NRXN1: variants seen among roughly 807,000 people sequenced by gnomAD.
NRXN1 encodes the protein neurexin-1.
NRXN1 carries 39 observed loss-of-function variants against 150.9 expected under a neutral mutation model. That is an observed-to-expected ratio of 0.26 (90% confidence interval 0.20 to 0.34). NRXN1 has a LOEUF of 0.34. NRXN1 is among the 10% of genes least tolerant of loss of function. NRXN1 has a pLI of 1.00. For missense variants in NRXN1, 1,815 were observed against 1,949.9 expected, an observed-to-expected ratio of 0.93 and a Z score of 1.30; for synonymous variants, 924 against 757.0, an observed-to-expected ratio of 1.22 and a Z score of -3.62.
chr2:50,894,303 A>G (rs1009346934), intron 5 of NRXN1, among the ~76,000 whole-genome samples: 1 of 150,346 alleles, frequency 6.7e-6, no homozygotes, highest in African/African-American at 2.4e-5. Context: ...AATAAATGTG[A>G]CATGTCTAAA....
intron 21 of NRXN1, among the ~76,000 whole-genome samples, chr2:49,993,858 A>G (rs1363032): frequency 0.47 from 70,949 of 151,964 alleles, 17,232 homozygotes; most frequent in Middle Eastern, 0.6. Flanking sequence ...CCTTTACCTC[A>G]TTAACTTATT....
intron 17 of NRXN1, among the ~76,000 whole-genome samples, chr2:50,303,234 A>C (rs1302215044): frequency 6.6e-6 from 1 of 152,140 alleles, no homozygotes; most frequent in Non-Finnish European, 1.5e-5. Flanking sequence ...CTTTAGGTTC[A>C]CTCCACACTT....
chr2:50,278,240 TA>T (rs1373710106), intron 17 of NRXN1, among the ~76,000 whole-genome samples: 2 of 126,348 alleles, frequency 1.6e-5, no homozygotes, highest in Non-Finnish European at 3.2e-5. Flanking sequence ...TATATATATA[TA>T]ATATATATAT....
chr2:50,347,587 A>G lies in NRXN1; in HGVS notation c.3365-110617T>C. ...GCGCGCATCGCCTGCTCCCGAGGCA[A>G]TCTCCGCGTCCGCCGCCTCCTGACA... On this transcript the variant is annotated intron_variant, in intron 17 of 22. Coordinates refer to ENST00000401669, the MANE Select transcript of NRXN1 (RefSeq NM_001330078.2). The surrounding 1 kb of genome is among the most constrained non-coding windows in gnomAD (Gnocchi z 4.9). The G allele has an allele frequency of 3.9e-6, 4 of 1,013,894 alleles. No individual in the cohort carries two copies. The highest frequency in any genetic ancestry group is 4.7e-6 in the Non-Finnish European group (4 of 847,066). 62.8% of individuals were successfully genotyped at this position (1,013,894 alleles called of 1,614,324 possible).
At chr2:50,381,353 C>A (rs914232296) in intron 17 of NRXN1, among the ~76,000 whole-genome samples, 18 of 151,728 alleles carry the variant, frequency 1.2e-4, no homozygotes, top group Admixed American at 1.2e-3. Flanking sequence ...GAATGGGTGG[C>A]AGAAGAGGGA....
At chr2:51,000,903 T>C (rs2105085710) in intron 2 of NRXN1, among the ~76,000 whole-genome samples, 1 of 152,000 alleles carries the variant, frequency 6.6e-6, no homozygotes, top group African/African-American at 2.4e-5. Context: ...TCCTCCACTT[T>C]TCTGTTTCCA....
chr2:50,804,169 A>T (rs944088107), intron 5 of NRXN1, among the ~76,000 whole-genome samples: 16 of 152,200 alleles, frequency 1.1e-4, no homozygotes, highest in African/African-American at 3.9e-4. Flanking sequence ...TACCAATTAT[A>T]AAAAGATGAA....
rs147002379 is a variant in NRXN1 at position 50,421,705 on chromosome 2, C to T, written c.3364+43737G>A. ...GCACTAGTAGATTTGGACTCCTAAA[C>T]AGAGCAATTCAATGTATTTTGTAGC... On this transcript the variant is annotated intron_variant, in intron 17 of 22. Transcript: ENST00000401669. Among the ~76,000 whole-genome samples, 851 of 152,214 alleles carry T rather than the reference C, an allele frequency of 5.6e-3. 5 individuals carry two copies. Among genetic ancestry groups the T allele is most frequent in the Middle Eastern group, 0.024 (7 of 294 alleles).
At chr2:49,997,825 C>G (rs1443908749) in intron 21 of NRXN1, among the ~76,000 whole-genome samples, 2 of 152,074 alleles carry the variant, frequency 1.3e-5, no homozygotes. Flanking sequence ...CACTCTCTGC[C>G]TGGGAATCTG....
At chr2:50,583,408 G>A (rs899361604) in intron 8 of NRXN1, among the ~76,000 whole-genome samples, 1 of 152,068 alleles carries the variant, frequency 6.6e-6, no homozygotes, top group African/African-American at 2.4e-5. Flanking sequence ...GCTAAAAACC[G>A]TTCCCTAAAA....
intron 18 of NRXN1, among the ~76,000 whole-genome samples, chr2:50,196,914 G>T (rs1189373965): frequency 6.6e-6 from 1 of 152,112 alleles, no homozygotes; most frequent in Admixed American, 6.6e-5. Flanking sequence ...TTTGAGGGTG[G>T]AGGGTGGGAG....
At chr2:50,000,379 A>T (rs539219410) in intron 21 of NRXN1, among the ~76,000 whole-genome samples, 1 of 152,332 alleles carries the variant, frequency 6.6e-6, no homozygotes, top group East Asian at 1.9e-4. Flanking sequence ...ATATGTAAAT[A>T]AAATTGTCAA....
At chr2:50,310,718 A>T (rs1269202140) in intron 17 of NRXN1, among the ~76,000 whole-genome samples, 5 of 152,164 alleles carry the variant, frequency 3.3e-5, no homozygotes, top group Non-Finnish European at 7.4e-5. Flanking sequence ...CCCATTTCTT[A>T]AAATATGTCT....
intron 5 of NRXN1, among the ~76,000 whole-genome samples, chr2:50,855,743 G>C (rs1428521801): frequency 6.6e-6 from 1 of 151,972 alleles, no homozygotes; most frequent in Non-Finnish European, 1.5e-5. Flanking sequence ...AAAGAGGAAA[G>C]GACAAACATT....
chr2:50,961,427 G>C (rs547340749), intron 2 of NRXN1, among the ~76,000 whole-genome samples: 7 of 151,750 alleles, frequency 4.6e-5, no homozygotes, highest in East Asian at 3.9e-4. Context: ...TCCATCATTT[G>C]TTTTAAATAA....
chr2:50,799,204 G>A (rs1488348678), intron 5 of NRXN1, among the ~76,000 whole-genome samples: 1 of 152,126 alleles, frequency 6.6e-6, no homozygotes, highest in Non-Finnish European at 1.5e-5. Flanking sequence ...GAATTCATCG[G>A]TCAATGGATG....
chr2:50,441,826 C>T (rs568497273), intron 17 of NRXN1, among the ~76,000 whole-genome samples: 2 of 152,284 alleles, frequency 1.3e-5, no homozygotes, highest in South Asian at 2.1e-4. Flanking sequence ...AAATGGTCAT[C>T]CATCAGCATC....
At chr2:50,333,341 T>C (rs1214928187) in intron 17 of NRXN1, among the ~76,000 whole-genome samples, 1 of 152,202 alleles carries the variant, frequency 6.6e-6, no homozygotes, top group African/African-American at 2.4e-5. Flanking sequence ...AAATCTTCCA[T>C]ATTTAATTTA....
At chr2:50,392,717 T>C (rs909961157) in intron 17 of NRXN1, among the ~76,000 whole-genome samples, 2 of 152,058 alleles carry the variant, frequency 1.3e-5, no homozygotes, top group Non-Finnish European at 2.9e-5. Flanking sequence ...GTTTCATACA[T>C]GAATAAACAT....
Sources: allele counts gnomAD v4.1 joint callset (sites outside exome capture counted in the v4.1 genomes callset), GRCh38; gene constraint gnomAD v4.1.1; non-coding constraint Gnocchi (gnomAD v3.1); transcripts MANE v1.5; gene names NCBI Gene and HGNC (gene_info 2026-07-23, HGNC 2026-07-21).